The following CFAP61 variants were observed in gnomAD, a reference collection of about 807,000 sequenced individuals.
The protein encoded by CFAP61 is cilia- and flagella-associated protein 61.
A neutral mutation model predicts 135.6 loss-of-function variants in CFAP61; 107 were observed. The ratio of observed to expected loss-of-function variants is 0.79; its 90% CI spans 0.67 to 0.93. The LOEUF (loss-of-function observed/expected upper bound fraction) is 0.93, where lower values mean the gene tolerates loss of function less well. CFAP61 is among the 40% of genes least tolerant of loss of function. CFAP61 has a pLI of 0.00. For missense variants in CFAP61, 1,507 were observed against 1,556.2 expected, an observed-to-expected ratio of 0.97 and a Z score of 0.53; for synonymous variants, 575 against 578.5, an observed-to-expected ratio of 0.99 and a Z score of 0.09.
chr20:20,214,135 C>A (rs866696221), intron 17 of CFAP61, among the ~76,000 whole-genome samples: 3 of 152,232 alleles, frequency 2.0e-5, no homozygotes, highest in Middle Eastern at 3.4e-3. Context: ...AAGGACAGGG[C>A]AGTGTGGGGC....
intron 22 of CFAP61, among the ~76,000 whole-genome samples, chr20:20,286,018 A>AAG (rs950075032): frequency 1.4e-4 from 1 of 7,362 alleles, no homozygotes; most frequent in Non-Finnish European, 5.7e-4. Flanking sequence ...AAGCAAACTT[A>AAG]AAAAAAAAAA....
chr20:20,178,947 A>G (rs772319987), intron 13 of CFAP61, among the ~76,000 whole-genome samples: 2 of 152,196 alleles, frequency 1.3e-5, no homozygotes, highest in Non-Finnish European at 2.9e-5. Flanking sequence ...TATTACAAAG[A>G]TCACTTCTTT....
chr20:20,293,233 CTAAA>C (rs1269696176), intron 24 of CFAP61, among the ~76,000 whole-genome samples: 2 of 152,220 alleles, frequency 1.3e-5, no homozygotes, highest in Non-Finnish European at 2.9e-5. Context: ...CCGACTCTCT[CTAAA>C]TAAAGTCAGA....
intron 17 of CFAP61, chr20:20,200,985 A>T (rs2056589885): frequency 1.0e-6 from 1 of 981,318 alleles, no homozygotes; most frequent in South Asian, 4.7e-5. Context: ...AATAACAAAA[A>T]ATTTATATCA....
At chr20:20,360,049 T>C (rs2059417717) in intron 26 of CFAP61, among the ~76,000 whole-genome samples, 161 bp from the exon 27 acceptor site, 1 of 152,198 alleles carries the variant, frequency 6.6e-6, no homozygotes, top group African/African-American at 2.4e-5. Flanking sequence ...AGACATGTTG[T>C]GTATACTTTG....
chr20:20,127,836 C>T (rs571693621), intron 8 of CFAP61, among the ~76,000 whole-genome samples: 2 of 151,782 alleles, frequency 1.3e-5, no homozygotes, highest in South Asian at 4.2e-4. Flanking sequence ...CATGTCTGAG[C>T]TCAGACTGTC....
At chr20:20,208,102 G>A (rs2056938019) in intron 17 of CFAP61, among the ~76,000 whole-genome samples, 1 of 152,182 alleles carries the variant, frequency 6.6e-6, no homozygotes, top group African/African-American at 2.4e-5. Flanking sequence ...AGATGTTTCA[G>A]AGTCATCGTC....
rs1389941538 is a variant in CFAP61, at chr20:20,085,386, G to A, written c.567-5458G>A. 3 of 1,350,878 alleles carry A rather than the reference G, an allele frequency of 2.2e-6. No homozygotes were observed. The South Asian group carries it at 3.5e-5, about 16-fold the overall frequency. 83.7% of individuals were successfully genotyped at this position (1,350,878 alleles called of 1,614,324 possible). ...CTTTATCATTAGCACTCGGGCTGATGCAAGATCATAAATTATCAATTACCC... is the reference window on the plus strand; with the variant it reads ...CTTTATCATTAGCACTCGGGCTGATACAAGATCATAAATTATCAATTACCC... On this transcript the variant is annotated intron_variant, in intron 6 of 26. Transcript: ENST00000245957.
At chr20:20,056,584 A>G in intron 1 of CFAP61, 34 bp from the exon 2 acceptor site, 34 of 1,479,242 alleles carry the variant, frequency 2.3e-5, no homozygotes, top group Non-Finnish European at 3.0e-5. Context: ...TGTGTGTATT[A>G]TAACCAAACT....
At chr20:20,204,703 GT>G (rs1345240695) in intron 17 of CFAP61, among the ~76,000 whole-genome samples, 3 of 152,148 alleles carry the variant, frequency 2.0e-5, no homozygotes, top group Non-Finnish European at 4.4e-5. Flanking sequence ...TATGTGGTGT[GT>G]TTTTAGCTCT....
chr20:20,149,343 A>G (rs2146769078), intron 9 of CFAP61, among the ~76,000 whole-genome samples: 1 of 152,382 alleles, frequency 6.6e-6, no homozygotes, highest in Admixed American at 6.5e-5. Flanking sequence ...AAGATGGCAG[A>G]TAGGAAACAG....
At chr20:20,283,997 T>C (rs1466307870) in intron 22 of CFAP61, among the ~76,000 whole-genome samples, 1 of 152,200 alleles carries the variant, frequency 6.6e-6, no homozygotes, top group Non-Finnish European at 1.5e-5. Flanking sequence ...TGCTTGTACT[T>C]AAGGAAGAGG....
chr20:20,109,311 G>A (rs762334927), intron 8 of CFAP61, among the ~76,000 whole-genome samples: 13 of 152,178 alleles, frequency 8.5e-5, no homozygotes, highest in Non-Finnish European at 1.9e-4. Flanking sequence ...CCTGAACTCT[G>A]TATTAGCTCT....
chr20:20,094,617 G>C (rs932664436), intron 7 of CFAP61: 1 of 152,202 alleles, frequency 6.6e-6, no homozygotes, highest in African/African-American at 2.4e-5. Context: ...AAAGCTGTAG[G>C]CTGAAAACTG....
At chr20:20,189,081 G>C (rs946326008) in intron 14 of CFAP61, among the ~76,000 whole-genome samples, 1 of 152,098 alleles carries the variant, frequency 6.6e-6, no homozygotes, top group African/African-American at 2.4e-5. Flanking sequence ...TTCTACTGTT[G>C]AGGTCTTTCA....
chr20:20,240,127 A>AC (rs1601570650), intron 18 of CFAP61, among the ~76,000 whole-genome samples: 2 of 151,964 alleles, frequency 1.3e-5, no homozygotes, highest in Admixed American at 1.3e-4. Flanking sequence ...TAAATTTGAC[A>AC]CCCCCCTGGA....
intron 13 of CFAP61, among the ~76,000 whole-genome samples, chr20:20,178,460 G>T (rs1330832337): frequency 6.6e-6 from 1 of 152,086 alleles, no homozygotes; most frequent in African/African-American, 2.4e-5. Context: ...CAGGTGAACT[G>T]GTTGCCCACT....
At chr20:20,313,684 C>T (rs564839840) in intron 25 of CFAP61, among the ~76,000 whole-genome samples, 66 of 152,274 alleles carry the variant, frequency 4.3e-4, no homozygotes, top group African/African-American at 1.5e-3. Context: ...GAGAGAGCAC[C>T]TCGTGGGTGT....
intron 2 of CFAP61, among the ~76,000 whole-genome samples, chr20:20,064,041 CA>C (rs1472842491): frequency 7.7e-5 from 10 of 129,724 alleles, no homozygotes; most frequent in African/African-American, 2.7e-4. Flanking sequence ...AACCGCCCCC[CA>C]CCCCGCCTTA....
Sources: gnomAD v4.1 joint callset for allele counts (sites outside exome capture counted in the v4.1 genomes callset) on GRCh38, gnomAD v4.1.1 for gene constraint, MANE v1.5 for transcripts, NCBI Gene and HGNC (gene_info 2026-07-23, HGNC 2026-07-21) for gene names.